ZNF544: variants seen among roughly 807,000 people sequenced by gnomAD.
ZNF544 encodes zinc finger protein 544.
In ZNF544, 10 loss-of-function variants were observed where a neutral mutation model predicts 13.5. The observed-to-expected ratio is 0.74, with a 90% confidence interval of 0.46 to 1.25. The LOEUF (loss-of-function observed/expected upper bound fraction) is 1.25. Ranked by LOEUF, ZNF544 falls within the 50% of genes most tolerant of loss-of-function variation. The pLI is 0.00. For missense variants in ZNF544, 896 were observed against 845.6 expected, an observed-to-expected ratio of 1.06 and a Z score of -0.74; for synonymous variants, 323 against 300.5, an observed-to-expected ratio of 1.07 and a Z score of -0.77.
At position 58,263,278 on chromosome 19, in the gene ZNF544, T is replaced by C. The variant is rs1316941402; in HGVS notation, c.*524T>C. 2 of 892,080 alleles carry C rather than the reference T, an allele frequency of 2.2e-6. No individual in the cohort carries two copies. Among genetic ancestry groups the C allele is most frequent in the Non-Finnish European group, 1.3e-6 (1 of 755,096 alleles). 55.3% of individuals were successfully genotyped at this position (892,080 alleles called of 1,614,324 possible). ...GAGTTTGAAACCAGCCTGGGTAACA[T>C]GGCAAAATCCTGTCTTTACAAAAAA... On this transcript the variant is annotated 3_prime_UTR_variant, in exon 7 of 7. Transcript: ENST00000687789.
rs1008398903 is a variant in ZNF544 at position 58,273,835 on chromosome 19, C to T, written c.245-2488C>T. On this transcript the variant is annotated intron_variant, in intron 5 of 6. Coordinates refer to the ZNF544 transcript ENST00000595981. ...CCCCCAAGACAGAGTCTTGCTCTGC[C>T]GCCAGGCTGGAGTGCAGTGGCGTGG... is the stretch of plus-strand genomic sequence containing the variant. Among the ~76,000 whole-genome samples, 14 of 151,590 alleles carry T rather than the reference C, an allele frequency of 9.2e-5. No individual in the cohort carries two copies. The East Asian group carries it at 9.7e-4, about 11-fold the overall frequency.
intron 3 of ZNF544, among the ~76,000 whole-genome samples, chr19:58,230,715 A>G (rs1044916905): frequency 6.6e-6 from 1 of 152,156 alleles, no homozygotes; most frequent in Admixed American, 6.5e-5. Context: ...AGGATGGGCA[A>G]GATGAGGAGG....
downstream of ZNF544, among the ~76,000 whole-genome samples, chr19:58,265,304 A>ATTTATTTATTTATTTG (rs2049723129): frequency 6.6e-6 from 1 of 151,448 alleles, no homozygotes; most frequent in Non-Finnish European, 1.5e-5. Context: ...TTATTTATTT[A>ATTTATTTATTTATTTG]TTTATTTATT....
Position 58,241,747 on chromosome 19 carries a change from T to C in ZNF544, c.-59-2218T>C, listed in dbSNP as rs564661343. On this transcript the variant is annotated intron_variant, in intron 3 of 6. Transcript: ENST00000687789. ...CTCCTGACCTCGTGATCCGCCCGCC[T>C]CGGCCTCCCAAAGTGCTGGGATTAT... Among the ~76,000 whole-genome samples the C allele has an allele frequency of 2.0e-5, 3 of 152,268 alleles. No homozygotes were observed. The East Asian group carries it at 5.8e-4, about 29-fold the overall frequency.
intron 3 of ZNF544, among the ~76,000 whole-genome samples, chr19:58,236,500 C>T (rs1478804952): frequency 2.3e-5 from 3 of 131,920 alleles, no homozygotes; most frequent in Non-Finnish European, 4.7e-5. Flanking sequence ...GAAACTGTGT[C>T]TCAAAAAAAA....
intron 5 of ZNF544, among the ~76,000 whole-genome samples, chr19:58,269,888 T>A (rs1386216482): frequency 1.3e-5 from 2 of 152,158 alleles, no homozygotes; most frequent in African/African-American, 4.8e-5. Flanking sequence ...GCCACTGGAC[T>A]CCAGCCTGGG....
At position 58,253,735 on chromosome 19, in the gene ZNF544, C is replaced by T. The variant is rs1205069298; in HGVS notation, c.244+6941C>T. ...GATTGCAGGCACTAGCCACCATGCC[C>T]GGCCAAACTAGTCTCATTTGTCAAA... is the stretch of plus-strand genomic sequence containing the variant. On this transcript the variant is annotated intron_variant, in intron 6 of 6. Coordinates refer to ENST00000687789, the MANE Select transcript of ZNF544 (RefSeq NM_014480.4). Among the ~76,000 whole-genome samples, 8 of 152,172 alleles carry T rather than the reference C, an allele frequency of 5.3e-5. No individual in the cohort carries two copies. The South Asian group carries it at 1.0e-3, about 20-fold the overall frequency.
intron 3 of ZNF544, chr19:58,242,423 A>G (rs995410545): frequency 3.6e-5 from 10 of 275,004 alleles, no homozygotes; most frequent in Non-Finnish European, 5.0e-5. Flanking sequence ...TGGGGCAAGA[A>G]AAATGCCAGC....
At chr19:58,236,630 G>C (rs2042446728) in intron 3 of ZNF544, among the ~76,000 whole-genome samples, 1 of 151,952 alleles carries the variant, frequency 6.6e-6, no homozygotes, top group African/African-American at 2.4e-5. Flanking sequence ...CTTTTCCAGA[G>C]AGTGACATCT....
chr19:58,264,147 AT>A (rs2049526986), downstream of ZNF544: 1 of 151,602 alleles, frequency 6.6e-6, no homozygotes, highest in South Asian at 2.1e-4. Context: ...TAATCCCAGC[AT>A]TTCGGGAGGC....
intron 5 of ZNF544, among the ~76,000 whole-genome samples, chr19:58,269,764 T>A (rs1401984810): frequency 6.6e-6 from 1 of 151,908 alleles, no homozygotes; most frequent in Non-Finnish European, 1.5e-5. Context: ...CTACTAAAGA[T>A]ACAAAAATTA....
At chr19:58,266,212 CAAAAAAAAA>C (rs760851818), downstream of ZNF544, among the ~76,000 whole-genome samples, 2 of 46,208 alleles carry the variant, frequency 4.3e-5, no homozygotes, top group African/African-American at 1.8e-4. Flanking sequence ...GACTCTGTCT[CAAAAAAAAA>C]AAAAAAAAAA....
intron 6 of ZNF544, among the ~76,000 whole-genome samples, chr19:58,248,133 C>T (rs915371557): frequency 3.3e-5 from 5 of 151,274 alleles, no homozygotes; most frequent in African/African-American, 4.9e-5. Flanking sequence ...AGGATGGTCT[C>T]GATCTCCTGA....
At chr19:58,267,022 G>A (rs1332203072), downstream of ZNF544, 1 of 152,204 alleles carries the variant, frequency 6.6e-6, no homozygotes, top group Non-Finnish European at 1.5e-5. Context: ...ATGAGAGAAG[G>A]TATCTAAGAC....
intron 5 of ZNF544, 22 bp downstream of exon 5, chr19:58,246,449 A>T: frequency 1.2e-6 from 2 of 1,613,580 alleles, no homozygotes; most frequent in Non-Finnish European, 1.7e-6. Flanking sequence ...TGCTCATGGA[A>T]GGAGGTTCTA....
At chr19:58,270,543 G>A (rs1284650367) in intron 5 of ZNF544, among the ~76,000 whole-genome samples, 1 of 152,048 alleles carries the variant, frequency 6.6e-6, no homozygotes, top group African/African-American at 2.4e-5. Flanking sequence ...CTTGTGATCC[G>A]CCCACCTTGG....
intron 6 of ZNF544, chr19:58,259,262 T>G (rs997200700): frequency 2.6e-5 from 4 of 152,192 alleles, no homozygotes; most frequent in Admixed American, 2.0e-4. Context: ...TTAAATAAGT[T>G]TTTCTCTGTT....
chr19:58,244,465 T>C (rs1430155358), intron 4 of ZNF544, among the ~76,000 whole-genome samples: 1 of 152,086 alleles, frequency 6.6e-6, no homozygotes, highest in African/African-American at 2.4e-5. Context: ...GAGTCCCCTG[T>C]AAATGGTGAG....
At position 58,260,996 on chromosome 19, in the gene ZNF544, C is replaced by T. The variant is rs763063136; in HGVS notation, c.390C>T (p.Asn130=). ...TAGGAAAAGTGCAAGATCAGAGCAA[C>T]CAGTTAAGGGAACACCAGGAGAACT... ...LVLGKVQDQS[N]QLREHQENSL... The change falls in exon 7 of 7, where the codon AAC becomes AAT. Residue 130 remains asparagine, a synonymous_variant. Transcript: ENST00000687789. 2.7e-5 allele frequency: 43 copies of T among 1,614,152 alleles called. No individual in the cohort carries two copies. The highest frequency in any genetic ancestry group is 3.6e-5 in the Non-Finnish European group (42 of 1,180,038).
Sources: allele counts gnomAD v4.1 joint callset (sites outside exome capture counted in the v4.1 genomes callset), GRCh38; gene constraint gnomAD v4.1.1; transcripts MANE v1.5; gene names NCBI Gene and HGNC (gene_info 2026-07-23, HGNC 2026-07-21).